Variants in SIAH3 observed in about 807,000 individuals in gnomAD.
SIAH3 encodes the protein seven in absentia homolog 3.
Under a neutral mutation model 12.6 loss-of-function variants are expected in SIAH3, and 9 were observed. The ratio of observed to expected loss-of-function variants is 0.72; its 90% confidence interval spans 0.43 to 1.25. The LOEUF (loss-of-function observed/expected upper bound fraction) is 1.25. SIAH3 is among the 50% of genes most tolerant of loss of function. SIAH3 has a pLI of 0.00. For synonymous variants in SIAH3, 154 were observed against 151.1 expected, an observed-to-expected ratio of 1.02 and a Z score of -0.14; for missense variants, 390 against 365.4, an observed-to-expected ratio of 1.07 and a Z score of -0.55.
chr13:45,787,088 G>A (rs558022626), intron 1 of SIAH3, among the ~76,000 whole-genome samples: 81 of 152,146 alleles, frequency 5.3e-4, no homozygotes, highest in Non-Finnish European at 8.2e-4. Flanking sequence ...AACCCAAGCA[G>A]AAACCTACCA....
At position 45,783,890 on chromosome 13, in the gene SIAH3, C is replaced by T. The variant is rs748873587; in HGVS notation, c.303G>A (p.Pro101=). The change falls in exon 2 of 2, where the codon CCG becomes CCA. Residue 101 remains proline, a synonymous_variant. Coordinates refer to ENST00000400405, the MANE Select transcript of SIAH3 (RefSeq NM_198849.3). ...GACACATGCACAGGCAGGGCGTCACCGGGTTGGCGTGCAGCCCCGCCTCCT... is the reference window on the plus strand; with the variant it reads ...GACACATGCACAGGCAGGGCGTCACTGGGTTGGCGTGCAGCCCCGCCTCCT... ...HHQEAGLHAN[P]VTPCLCMCPL... 24 of 1,612,228 alleles carry T rather than the reference C, an allele frequency of 1.5e-5. No homozygotes were observed. The highest frequency in any genetic ancestry group is 1.7e-4 in the Middle Eastern group (1 of 6,054).
At chr13:45,837,388 A>G (rs1304062200) in intron 1 of SIAH3, among the ~76,000 whole-genome samples, 1 of 152,102 alleles carries the variant, frequency 6.6e-6, no homozygotes, top group East Asian at 1.9e-4. Context: ...CTTACTCATC[A>G]AATAATATGA....
intron 1 of SIAH3, among the ~76,000 whole-genome samples, chr13:45,806,427 G>A (rs1249681739): frequency 1.3e-5 from 2 of 152,156 alleles, no homozygotes; most frequent in Admixed American, 1.3e-4. Flanking sequence ...CAACATGGAT[G>A]GAGCTAGAGG....
At chr13:45,830,789 G>T (rs1219467186) in intron 1 of SIAH3, among the ~76,000 whole-genome samples, 1 of 151,976 alleles carries the variant, frequency 6.6e-6, no homozygotes, top group East Asian at 1.9e-4. Flanking sequence ...CTCTGAGCAG[G>T]AGAGGACCTC....
chr13:45,803,030 C>A (rs569351828), intron 1 of SIAH3, among the ~76,000 whole-genome samples: 1 of 151,806 alleles, frequency 6.6e-6, no homozygotes, highest in Non-Finnish European at 1.5e-5. Context: ...TGAGATCGCT[C>A]ACTGCACTCC....
At chr13:45,788,182 A>G (rs1950534297) in intron 1 of SIAH3, among the ~76,000 whole-genome samples, 2 of 152,210 alleles carry the variant, frequency 1.3e-5, no homozygotes, top group East Asian at 1.9e-4. Context: ...GATGCAAAAT[A>G]TATTTCATTT....
At chr13:45,815,099 T>A (rs78625561) in intron 1 of SIAH3, among the ~76,000 whole-genome samples, 8 of 151,736 alleles carry the variant, frequency 5.3e-5, no homozygotes, top group East Asian at 1.9e-4. Flanking sequence ...TTTTTTTTTT[T>A]AATCAACCAT....
At chr13:45,787,486 G>T (rs551314829) in intron 1 of SIAH3, among the ~76,000 whole-genome samples, 3 of 152,306 alleles carry the variant, frequency 2.0e-5, no homozygotes, top group African/African-American at 2.4e-5. Flanking sequence ...AGCACCAAGT[G>T]GGGGAGGTAG....
chr13:45,821,009 C>A (rs1036018231), intron 1 of SIAH3, among the ~76,000 whole-genome samples: 6 of 152,180 alleles, frequency 3.9e-5, no homozygotes, highest in African/African-American at 1.2e-4. Flanking sequence ...ATATGAGTAC[C>A]ATTATGGGTT....
chr13:45,804,300 T>C (rs148699007), intron 1 of SIAH3, among the ~76,000 whole-genome samples: 7 of 152,256 alleles, frequency 4.6e-5, no homozygotes, highest in Non-Finnish European at 8.8e-5. Flanking sequence ...AAACATTATG[T>C]TAAGTCAAAG....
chr13:45,851,346 G>C (rs1440895122), intron 1 of SIAH3, 149 bp downstream of exon 1: 2 of 1,014,792 alleles, frequency 2.0e-6, no homozygotes, highest in African/African-American at 1.6e-5. Context: ...AGAGTGAGCC[G>C]AGGCAAACAC....
chr13:45,809,915 A>G (rs1033717358), intron 1 of SIAH3, among the ~76,000 whole-genome samples: 3 of 152,214 alleles, frequency 2.0e-5, no homozygotes, highest in Non-Finnish European at 4.4e-5. Context: ...TGAACAAAGC[A>G]AAAGCAAAAG....
Position 45,780,443 on chromosome 13 carries a change from T to TC in SIAH3, c.*2939_*2940insG, listed in dbSNP as rs971649771. The TC allele has an allele frequency of 6.6e-6, 1 of 152,184 alleles. No individual in the cohort carries two copies. The highest frequency in any genetic ancestry group is 2.4e-5 in the African/African-American group (1 of 41,390). The allele number at this position is 152,184 out of a possible 1,614,324, so 9.4% of individuals were successfully genotyped here. A position where few individuals can be genotyped will look rare whatever the true frequency, so the allele number is the denominator to read the frequency against. ...GTGTCACCATGCCCAGCTGATTTTTTTTTTTGTAGAAATGAAGTCTCGCTA... is the reference window on the plus strand; with the variant it reads ...GTGTCACCATGCCCAGCTGATTTTTTCTTTTTGTAGAAATGAAGTCTCGCTA... On this transcript the variant is annotated 3_prime_UTR_variant, in exon 2 of 2. Transcript: ENST00000400405.
intron 1 of SIAH3, among the ~76,000 whole-genome samples, chr13:45,839,688 C>T (rs1950732931): frequency 2.0e-5 from 3 of 151,966 alleles, no homozygotes; most frequent in African/African-American, 7.2e-5. Context: ...AAAAATTAGC[C>T]GGGCGTGGTG....
At chr13:45,825,852 C>A (rs1218992408) in intron 1 of SIAH3, among the ~76,000 whole-genome samples, 1 of 152,156 alleles carries the variant, frequency 6.6e-6, no homozygotes, top group Non-Finnish European at 1.5e-5. Flanking sequence ...CCCTCGCTTC[C>A]TAGGCCTTGT....
chr13:45,832,292 A>G (rs1470722169), intron 1 of SIAH3, among the ~76,000 whole-genome samples: 1 of 152,168 alleles, frequency 6.6e-6, no homozygotes, highest in Non-Finnish European at 1.5e-5. Flanking sequence ...GCCACTATCT[A>G]TTTTCAGAAC....
intron 1 of SIAH3, among the ~76,000 whole-genome samples, chr13:45,799,572 T>G (rs554690127): frequency 2.0e-5 from 3 of 152,300 alleles, no homozygotes; most frequent in South Asian, 2.1e-4. Flanking sequence ...AAGTAGTTTG[T>G]ACCCAGGGAC....
At chr13:45,850,266 C>T (rs1018171518) in intron 1 of SIAH3, among the ~76,000 whole-genome samples, 1 of 152,158 alleles carries the variant, frequency 6.6e-6, no homozygotes, top group Non-Finnish European at 1.5e-5. Context: ...GGCGGAACTT[C>T]TAGGAGTGGG....
intron 1 of SIAH3, among the ~76,000 whole-genome samples, chr13:45,842,443 A>G (rs1950743381): frequency 6.6e-6 from 1 of 152,154 alleles, no homozygotes; most frequent in African/African-American, 2.4e-5. Context: ...TCCTGGGCTC[A>G]AGCGATCATC....
Sources: gnomAD v4.1 joint callset for allele counts (sites outside exome capture counted in the v4.1 genomes callset) on GRCh38, gnomAD v4.1.1 for gene constraint, MANE v1.5 for transcripts, NCBI Gene and HGNC (gene_info 2026-07-23, HGNC 2026-07-21) for gene names.